Variants in ADAM10 observed in about 807,000 individuals in gnomAD.
ADAM10 encodes the protein ADAM metallopeptidase domain 10.
In ADAM10, 17 loss-of-function variants were observed where a neutral mutation model predicts 90.1. That is an observed-to-expected ratio of 0.19 (90% CI 0.13 to 0.28). ADAM10 has a LOEUF of 0.28. Among genes scored for constraint, ADAM10 ranks in the 10% least tolerant of loss-of-function variants. The probability of loss-of-function intolerance (pLI) is 1.00; values close to 1 mark genes in which losing one functional copy is unlikely to be tolerated. For missense variants in ADAM10, 610 were observed against 914.3 expected, an observed-to-expected ratio of 0.67 and a Z score of 4.29; for synonymous variants, 310 against 298.6, an observed-to-expected ratio of 1.04 and a Z score of -0.40.
chr15:58,598,475 C>T (rs1051360299), intron 15 of ADAM10, among the ~76,000 whole-genome samples: 8 of 152,186 alleles, frequency 5.3e-5, no homozygotes, highest in African/African-American at 1.7e-4. Context: ...ACTACTGGGC[C>T]ATCTTGCCCC....
At chr15:58,656,731 T>A (rs1896837887) in intron 5 of ADAM10, among the ~76,000 whole-genome samples, 1 of 152,214 alleles carries the variant, frequency 6.6e-6, no homozygotes. Context: ...ATATGAGTAA[T>A]TTATATACCA....
intron 11 of ADAM10, among the ~76,000 whole-genome samples, chr15:58,613,268 C>T (rs1895504489): frequency 2.6e-5 from 4 of 152,274 alleles, no homozygotes; most frequent in Middle Eastern, 3.4e-3. Context: ...ACACCCTTCC[C>T]GACCAGCACA....
chr15:58,654,378 G>A (rs563459252), intron 5 of ADAM10, among the ~76,000 whole-genome samples: 1 of 152,156 alleles, frequency 6.6e-6, no homozygotes, highest in Non-Finnish European at 1.5e-5. Flanking sequence ...GTTGTGTTAT[G>A]TTGTGTTTTC....
chr15:58,749,290 C>T (rs1358287354), intron 1 of ADAM10, among the ~76,000 whole-genome samples, 190 bp downstream of exon 1: 1 of 152,114 alleles, frequency 6.6e-6, no homozygotes, highest in African/African-American at 2.4e-5. Flanking sequence ...CCTCCTCGGC[C>T]CGCCACCGAA....
At chr15:58,611,296 AAT>A in intron 12 of ADAM10, 189 bp from the exon 13 acceptor site, 1 of 580,562 alleles carries the variant, frequency 1.7e-6, no homozygotes. Flanking sequence ...AAAAACAGTA[AAT>A]CCAAGAAAGA....
intron 10 of ADAM10, among the ~76,000 whole-genome samples, chr15:58,623,982 TA>T (rs34638861): frequency 2.4e-3 from 323 of 137,238 alleles, no homozygotes; most frequent in Non-Finnish European, 2.9e-3. Context: ...AAGTGAAATT[TA>T]AAAAAAAAAA....
chr15:58,726,567 C>CAAAAAAAAAAA (rs71116593), intron 1 of ADAM10, among the ~76,000 whole-genome samples: 10 of 20,778 alleles, frequency 4.8e-4, no homozygotes, highest in Admixed American at 3.4e-3. Context: ...CTCAGTCTCC[C>CAAAAAAAAAAA]AAAAAAAAAA....
At chr15:58,644,182 TG>T (rs56317420) in intron 6 of ADAM10, among the ~76,000 whole-genome samples, 5,760 of 151,574 alleles carry the variant, frequency 0.038, 282 homozygotes, top group African/African-American at 0.11. Flanking sequence ...CAGACTCCTC[TG>T]GCCAACAATA....
chr15:58,626,553 C>T lies in ADAM10; in HGVS notation c.1360+1147G>A, dbSNP rs570650307. 1.7e-3 allele frequency among the ~76,000 whole-genome samples: 265 copies of T among 152,062 alleles called. 1 individual carries two copies. The highest frequency in any genetic ancestry group is 3.1e-3 in the Non-Finnish European group (210 of 67,948). Reference sequence around the variant, plus strand: ...TAAATATTTAGAGTATGTTCAATGCCGCAAGAAAGACATAACAGATGACTG... The same window carrying T: ...TAAATATTTAGAGTATGTTCAATGCTGCAAGAAAGACATAACAGATGACTG... On this transcript the variant is annotated intron_variant, in intron 10 of 15. Coordinates refer to ENST00000260408, the MANE Select transcript of ADAM10 (RefSeq NM_001110.4).
chr15:58,645,847 CATT>C (rs1484590137), intron 6 of ADAM10, among the ~76,000 whole-genome samples: 1 of 146,202 alleles, frequency 6.8e-6, no homozygotes, highest in East Asian at 2.4e-4. Context: ...TTCAGGAAAT[CATT>C]GTCTTACCCC....
chr15:58,737,526 A>G (rs1434182129), intron 1 of ADAM10, among the ~76,000 whole-genome samples: 3 of 152,176 alleles, frequency 2.0e-5, no homozygotes, highest in Admixed American at 6.5e-5. Flanking sequence ...CTGACTCTGG[A>G]TAAGTAACCC....
Position 58,594,947 on chromosome 15 carries a change from T to C in ADAM10, c.*2600A>G, listed in dbSNP as rs1894911618. 1.3e-5 allele frequency: 2 copies of C among 152,208 alleles called. No individual in the cohort carries two copies. The highest frequency in any genetic ancestry group is 1.5e-5 in the Non-Finnish European group (1 of 68,006). 9.4% of individuals were successfully genotyped at this position (152,208 alleles called of 1,614,324 possible). A position where few individuals can be genotyped will look rare whatever the true frequency, so the allele number is the denominator to read the frequency against. ...GATTACCTCATGCAGGGAATTATTC[T>C]GGGCTTACAATTCCTTTTCTAGGTA... is the stretch of plus-strand genomic sequence containing the variant. On this transcript the variant is annotated 3_prime_UTR_variant, in exon 16 of 16. Coordinates refer to ENST00000260408, the MANE Select transcript of ADAM10 (RefSeq NM_001110.4).
chr15:58,698,451 C>T (rs1301049263), intron 2 of ADAM10: 1 of 300,118 alleles, frequency 3.3e-6, no homozygotes, highest in Non-Finnish European at 6.3e-6. Context: ...TGGCGTGAAC[C>T]TGTAGTCCCA....
chr15:58,688,509 A>T (rs2140766113), intron 2 of ADAM10, among the ~76,000 whole-genome samples: 1 of 152,130 alleles, frequency 6.6e-6, no homozygotes, highest in African/African-American at 2.4e-5. Context: ...AAAGAAGAAG[A>T]AAATTAGTCC....
chr15:58,679,324 CATGA>C, intron 3 of ADAM10, 42 bp from the exon 4 acceptor site: 1 of 1,581,042 alleles, frequency 6.3e-7, no homozygotes, highest in African/African-American at 1.3e-5. Context: ...TTAATTTGCA[CATGA>C]ATGTTAAATT....
intron 2 of ADAM10, among the ~76,000 whole-genome samples, chr15:58,685,606 T>G (rs1407539186): frequency 7.2e-6 from 1 of 139,434 alleles, no homozygotes. Flanking sequence ...ATCTCCACAT[T>G]TCTGTGTAGA....
chr15:58,684,869 A>G (rs1222862081), intron 2 of ADAM10, among the ~76,000 whole-genome samples: 1 of 152,216 alleles, frequency 6.6e-6, no homozygotes, highest in Non-Finnish European at 1.5e-5. Flanking sequence ...GGTCTGCACT[A>G]GCTCCAGATA....
chr15:58,612,008 G>C lies in ADAM10; in HGVS notation c.1512-17C>G. The C allele has an allele frequency of 6.2e-7, 1 of 1,611,220 alleles. No homozygotes were observed. The highest frequency in any genetic ancestry group is 8.5e-7 in the Non-Finnish European group (1 of 1,177,518). ...TGACTTGGACTAGAGGAAACATTAA[G>C]TGATTAAACAAAGTAAATCACTAGT... On this transcript the variant is annotated splice_polypyrimidine_tract_variant and intron_variant, in intron 11 of 15. Transcript: ENST00000260408.
chr15:58,742,247 C>T (rs1220432870), intron 1 of ADAM10, among the ~76,000 whole-genome samples: 5 of 152,254 alleles, frequency 3.3e-5, no homozygotes, highest in African/African-American at 9.6e-5. Flanking sequence ...TACAAGTGGA[C>T]TGTATGTATG....
Sources: gnomAD v4.1 joint callset for allele counts (sites outside exome capture counted in the v4.1 genomes callset) on GRCh38, gnomAD v4.1.1 for gene constraint, MANE v1.5 for transcripts, NCBI Gene and HGNC (gene_info 2026-07-23, HGNC 2026-07-21) for gene names.